The following ZNF652 variants were observed in gnomAD, a reference collection of about 807,000 sequenced individuals.
ZNF652 encodes the protein zinc finger protein 652.
Under a neutral mutation model 45.2 loss-of-function variants are expected in ZNF652, and 16 were observed. That is an observed-to-expected ratio of 0.35 (90% confidence interval 0.24 to 0.54). The LOEUF (loss-of-function observed/expected upper bound fraction) is 0.54, where lower values mean the gene tolerates loss of function less well. Ranked by LOEUF, ZNF652 falls within the 20% of genes least tolerant of loss-of-function variation. ZNF652 has a pLI of 0.91. For synonymous variants in ZNF652, 250 were observed against 260.6 expected, an observed-to-expected ratio of 0.96 and a Z score of 0.39; for missense variants, 614 against 765.6, an observed-to-expected ratio of 0.80 and a Z score of 2.34.
chr17:49,307,605 G>C (rs1455276252), intron 5 of ZNF652, among the ~76,000 whole-genome samples: 1 of 135,746 alleles, frequency 7.4e-6, no homozygotes, highest in Non-Finnish European at 1.6e-5. Context: ...AAAAAAAATA[G>C]GCTGGGCGTG....
At chr17:49,329,117 TAGG>T in intron 1 of ZNF652, among the ~76,000 whole-genome samples, 1 of 152,340 alleles carries the variant, frequency 6.6e-6, no homozygotes, top group South Asian at 2.1e-4. Flanking sequence ...TCCAGAATGT[TAGG>T]TTAATTCATA....
chr17:49,325,648 T>C (rs1269347023), intron 1 of ZNF652, among the ~76,000 whole-genome samples: 1 of 146,712 alleles, frequency 6.8e-6, no homozygotes, highest in Admixed American at 6.9e-5. Flanking sequence ...TGAGATCTCG[T>C]CTCTACAAAA....
intron 3 of ZNF652, 114 bp downstream of exon 3, chr17:49,312,584 C>G: frequency 6.8e-6 from 8 of 1,174,742 alleles, no homozygotes; most frequent in Non-Finnish European, 8.3e-6. Context: ...CATTCAGTTT[C>G]AACATGTCAA....
chr17:49,346,722 TG>T (rs1174878891), intron 1 of ZNF652, among the ~76,000 whole-genome samples: 12 of 152,240 alleles, frequency 7.9e-5, no homozygotes, highest in African/African-American at 2.9e-4. Flanking sequence ...AAATCAACTC[TG>T]ATTTTATCAC....
Position 49,312,025 on chromosome 17 carries a change from G to A in ZNF652, c.1066C>T (p.Pro356Ser). 1 of 1,613,438 alleles carries A rather than the reference G, an allele frequency of 6.2e-7. No homozygotes were observed. Among genetic ancestry groups the A allele is most frequent in the South Asian group, 1.1e-5 (1 of 91,014 alleles). Residue 356 changes from proline to serine, a missense_variant, in exon 4 of 6, where the codon CCA becomes TCA. Coordinates refer to ENST00000430262, the MANE Select transcript of ZNF652 (RefSeq NM_001145365.3). Reference protein sequence around the residue: ...KHMVAHTKDMPFTCETCGKSF... With the variant: ...KHMVAHTKDMSFTCETCGKSF... The stretch of plus-strand genomic sequence containing the variant: ...TTTCCACAGGTTTCGCATGTAAATG[G>A]CATGTCTTTTGTGTGTGCTGCAACA...
chr17:49,293,674 A>C lies in ZNF652; in HGVS notation c.*4739T>G, dbSNP rs868119540. The stretch of plus-strand genomic sequence containing the variant: ...CATTCCTAAAAAAAAAAAAAAAAAA[A>C]AAAAAAAAAAACTCTTAAGTAATTT... On this transcript the variant is annotated 3_prime_UTR_variant, in exon 6 of 6. Transcript: ENST00000430262. Among the ~76,000 whole-genome samples, 67 of 146,872 alleles carry C rather than the reference A, an allele frequency of 4.6e-4. No homozygotes were observed. In the South Asian group the frequency reaches 6.3e-3, roughly 14 times the overall value.
chr17:49,353,671 G>C (rs767096625), intron 1 of ZNF652, among the ~76,000 whole-genome samples: 8 of 152,162 alleles, frequency 5.3e-5, no homozygotes, highest in Non-Finnish European at 1.2e-4. Context: ...AATTCTAACA[G>C]ATTGCCTCAC....
chr17:49,336,793 G>A (rs992764716), intron 1 of ZNF652, among the ~76,000 whole-genome samples: 1 of 151,532 alleles, frequency 6.6e-6, no homozygotes, highest in Non-Finnish European at 1.5e-5. Flanking sequence ...CACCCAGCTA[G>A]TTTTTGTATT....
At chr17:49,341,124 T>C (rs2143882062) in intron 1 of ZNF652, among the ~76,000 whole-genome samples, 1 of 152,042 alleles carries the variant, frequency 6.6e-6, no homozygotes, top group Middle Eastern at 3.4e-3. Flanking sequence ...AGCAGGAGAA[T>C]CATTTGAACC....
intron 5 of ZNF652, among the ~76,000 whole-genome samples, chr17:49,301,152 A>G (rs2069546938): frequency 6.6e-6 from 1 of 152,160 alleles, no homozygotes; most frequent in Non-Finnish European, 1.5e-5. Flanking sequence ...TCTTGTCTCC[A>G]GCTTTTCATT....
chr17:49,328,789 C>T (rs543164528), intron 1 of ZNF652, among the ~76,000 whole-genome samples: 23 of 152,318 alleles, frequency 1.5e-4, no homozygotes, highest in African/African-American at 5.5e-4. Flanking sequence ...TACCCAGCCT[C>T]AGGTATTCCT....
chr17:49,341,363 A>G (rs1449771561), intron 1 of ZNF652, among the ~76,000 whole-genome samples: 1 of 151,982 alleles, frequency 6.6e-6, no homozygotes, highest in East Asian at 1.9e-4. Context: ...AAAAGAAAAA[A>G]GATGGATGGC....
At position 49,344,957 on chromosome 17, in the gene ZNF652, C is replaced by T. The variant is rs570607532; in HGVS notation, c.-259+16952G>A. On this transcript the variant is annotated intron_variant, in intron 1 of 5. Coordinates refer to ENST00000430262, the MANE Select transcript of ZNF652 (RefSeq NM_001145365.3). The stretch of plus-strand genomic sequence containing the variant: ...TTCCCCAACTCCCACCTAATCCCCC[C>T]TCAAAAAAGCACATTTATCTAAGAA... Among the ~76,000 whole-genome samples, 3 of 152,184 alleles carry T rather than the reference C, an allele frequency of 2.0e-5. No individual in the cohort carries two copies. The East Asian group carries it at 5.8e-4, about 29-fold the overall frequency.
In ZNF652 at chr17:49,317,704, AAG is replaced by A. The variant is rs1468604257; in HGVS notation, c.20_21del (p.Ser7LeufsTer6). On this transcript the variant is annotated frameshift_variant, in exon 2 of 6. Coordinates refer to ENST00000430262, the MANE Select transcript of ZNF652 (RefSeq NM_001145365.3). LOFTEE classifies it high-confidence loss of function. MSHTAS[S>X]CQELVENCAV... ...GCACAGTTTTCAACCAGCTCCTGAC[AAG>A]AACTGGCTGTGTGGCTCATTGGTAA... The A allele has an allele frequency of 8.1e-6, 13 of 1,595,552 alleles. No homozygotes were observed. The highest frequency in any genetic ancestry group is 1.1e-5 in the Non-Finnish European group (13 of 1,165,726).
chr17:49,344,813 G>A (rs943979160), intron 1 of ZNF652, among the ~76,000 whole-genome samples: 4 of 152,084 alleles, frequency 2.6e-5, no homozygotes, highest in African/African-American at 7.2e-5. Context: ...GAGCCACCAC[G>A]CTGGCCCATC....
intron 1 of ZNF652, among the ~76,000 whole-genome samples, chr17:49,336,045 T>TA (rs2070076636): frequency 6.6e-6 from 1 of 151,992 alleles, no homozygotes; most frequent in South Asian, 2.1e-4. Flanking sequence ...TTTGTTTTGA[T>TA]ACAGAGTCTC....
Position 49,316,831 on chromosome 17 carries a change from T to C in ZNF652, c.895A>G (p.Ile299Val). 5 of 1,608,952 alleles carry C rather than the reference T, an allele frequency of 3.1e-6. No individual in the cohort carries two copies. The highest frequency in any genetic ancestry group is 3.4e-6 in the Non-Finnish European group (4 of 1,177,838). Reference sequence around the variant, plus strand: ...CTCTCGGTGATGAAACCTACCTGAATGTTTTTTTCACAGTCTGTTTGCTGG... The same window carrying C: ...CTCTCGGTGATGAAACCTACCTGAACGTTTTTTTCACAGTCTGTTTGCTGG... ...LHQQTDCEKN[I>V]QCVSCNKSFK... Residue 299 changes from isoleucine to valine, a missense_variant, in exon 2 of 6, where the codon ATT (isoleucine) becomes GTT (valine). By Grantham distance (29) the Ile-to-Val change is conservative. Around this residue, in one of 5 missense-constraint regions of ZNF652, gnomAD observed 262 missense variants for 306.3 expected, o/e 0.86. Coordinates refer to ENST00000430262, the MANE Select transcript of ZNF652 (RefSeq NM_001145365.3).
intron 1 of ZNF652, among the ~76,000 whole-genome samples, chr17:49,325,556 C>T (rs2143831850): frequency 6.6e-6 from 1 of 152,162 alleles, no homozygotes; most frequent in Non-Finnish European, 1.5e-5. Context: ...GGTAGACTTG[C>T]TCCATGGATG....
At chr17:49,343,585 T>C (rs936093741) in intron 1 of ZNF652, among the ~76,000 whole-genome samples, 1 of 152,080 alleles carries the variant, frequency 6.6e-6, no homozygotes, top group African/African-American at 2.4e-5. Context: ...GTATGTGCTA[T>C]AAATAGATGT....
Sources: allele counts gnomAD v4.1 joint callset (sites outside exome capture counted in the v4.1 genomes callset), GRCh38; gene constraint gnomAD v4.1.1; regional missense constraint gnomAD v4.1.1; transcripts MANE v1.5; gene names NCBI Gene and HGNC (gene_info 2026-07-23, HGNC 2026-07-21).